ARHGAP24: variants seen among roughly 807,000 people sequenced by gnomAD.
ARHGAP24 encodes the protein Rho GTPase activating protein 24, also known as rho GTPase-activating protein 24.
In ARHGAP24, 50 loss-of-function variants were observed where a neutral mutation model predicts 76.4. That is an observed-to-expected ratio of 0.65 (90% CI 0.52 to 0.83). The LOEUF (loss-of-function observed/expected upper bound fraction) is 0.83. Among genes scored for constraint, ARHGAP24 ranks in the 40% least tolerant of loss-of-function variants. ARHGAP24 has a pLI of 0.00. For synonymous variants in ARHGAP24, 345 were observed against 323.3 expected, an observed-to-expected ratio of 1.07 and a Z score of -0.72; for missense variants, 930 against 914.2, an observed-to-expected ratio of 1.02 and a Z score of -0.22.
intron 9 of ARHGAP24, among the ~76,000 whole-genome samples, chr4:85,997,282 ATAGGTAGGTAGG>A (rs745600115): frequency 2.6e-5 from 4 of 151,630 alleles, no homozygotes; most frequent in Non-Finnish European, 5.9e-5. Flanking sequence ...AGGTAGGTAA[ATAGGTAGGTAGG>A]TAGGTAGGTA....
At position 85,755,626 on chromosome 4, in the gene ARHGAP24, G is replaced by GTTTTTTTTTTTTTTTTTTTTTTTTTT. The variant is rs111410344; in HGVS notation, c.268+33658_268+33659insTTTTTTTTTTTTTTTTTTTTTTTTTT. ...TTCTATGGGAAGCTTCTATTCTTTT[G>GTTTTTTTTTTTTTTTTTTTTTTTTTT]TTTTGTTTTGTTTTGTTTTGTTTTG... is the stretch of plus-strand genomic sequence containing the variant. On this transcript the variant is annotated intron_variant, in intron 3 of 9. Transcript: ENST00000395184. Among the ~76,000 whole-genome samples, 11 of 117,372 alleles carry GTTTTTTTTTTTTTTTTTTTTTTTTTT rather than the reference G, an allele frequency of 9.4e-5. 4 individuals carry two copies. Among genetic ancestry groups the GTTTTTTTTTTTTTTTTTTTTTTTTTT allele is most frequent in the African/African-American group, 1.2e-4 (4 of 34,442 alleles). 77.0% of individuals were successfully genotyped at this position (117,372 alleles called of 152,430 possible).
At chr4:85,859,629 A>C (rs953780159) in intron 3 of ARHGAP24, among the ~76,000 whole-genome samples, 10 of 152,126 alleles carry the variant, frequency 6.6e-5, no homozygotes, top group Non-Finnish European at 1.5e-5. Flanking sequence ...AGCCCATGCT[A>C]ATAGCTACTG....
At chr4:85,992,761 A>G (rs1740410790) in intron 8 of ARHGAP24, among the ~76,000 whole-genome samples, 1 of 152,054 alleles carries the variant, frequency 6.6e-6, no homozygotes, top group Non-Finnish European at 1.5e-5. Context: ...AAATTCGGAG[A>G]TTCCTAAAAG....
At chr4:85,596,921 C>G (rs1719857336) in intron 2 of ARHGAP24, among the ~76,000 whole-genome samples, 1 of 151,802 alleles carries the variant, frequency 6.6e-6, no homozygotes, top group African/African-American at 2.4e-5. Flanking sequence ...TATTTTAAGT[C>G]CAAATATATT....
chr4:85,832,815 C>T (rs944545175), intron 3 of ARHGAP24, among the ~76,000 whole-genome samples: 18 of 152,124 alleles, frequency 1.2e-4, no homozygotes, highest in African/African-American at 3.1e-4. Context: ...TGCACAGGGG[C>T]GATGCTATCA....
intron 5 of ARHGAP24, among the ~76,000 whole-genome samples, chr4:85,970,517 T>A (rs1000404420): frequency 1.3e-5 from 2 of 152,134 alleles, no homozygotes; most frequent in African/African-American, 4.8e-5. Context: ...CAGGGGTTTC[T>A]ATAATACCCA....
At chr4:85,807,114 A>G in intron 3 of ARHGAP24, among the ~76,000 whole-genome samples, 1 of 152,256 alleles carries the variant, frequency 6.6e-6, no homozygotes, top group Non-Finnish European at 1.5e-5. Flanking sequence ...TTAATTTTTT[A>G]AAACTATTAT....
At chr4:85,830,190 A>C (rs1160650307) in intron 3 of ARHGAP24, among the ~76,000 whole-genome samples, 2 of 152,196 alleles carry the variant, frequency 1.3e-5, no homozygotes, top group Non-Finnish European at 2.9e-5. Context: ...AAACTCACTA[A>C]GTTCTTCATT....
intron 2 of ARHGAP24, among the ~76,000 whole-genome samples, chr4:85,694,307 G>A (rs1474832628): frequency 2.0e-5 from 3 of 151,944 alleles, no homozygotes. Flanking sequence ...GTTAAGGCAG[G>A]AGAAACTTGT....
intron 3 of ARHGAP24, among the ~76,000 whole-genome samples, chr4:85,889,134 T>G (rs6817562): frequency 0.81 from 122,736 of 152,140 alleles, 50,356 homozygotes; most frequent in Non-Finnish European, 0.9. Context: ...TTATTGGGTA[T>G]TTGTTTCAAG....
intron 2 of ARHGAP24, among the ~76,000 whole-genome samples, chr4:85,679,290 A>AG (rs1246590179): frequency 6.6e-6 from 1 of 152,196 alleles, no homozygotes; most frequent in Non-Finnish European, 1.5e-5. Context: ...GGGGGGCTTC[A>AG]GAGAAAGCTT....
intron 1 of ARHGAP24, among the ~76,000 whole-genome samples, chr4:85,550,658 A>G (rs1326200428): frequency 6.6e-6 from 1 of 152,164 alleles, no homozygotes; most frequent in African/African-American, 2.4e-5. Flanking sequence ...TGTTATACCA[A>G]TATTGATTCT....
Position 86,000,567 on chromosome 4 carries a change from G to GAAAT in ARHGAP24, c.2096_2099dup (p.Lys700AsnfsTer18). Reference sequence around the variant, plus strand: ...GGAGAGGAAAAAGTTCACAATGATAGAAATAAAAATGCGAAATGCCGAGCG... The same window carrying GAAAT: ...GGAGAGGAAAAAGTTCACAATGATAGAAATAAATAAAAATGCGAAATGCCGAGCG... On this transcript the variant is annotated frameshift_variant, in exon 10 of 10. Coordinates refer to ENST00000395184, the MANE Select transcript of ARHGAP24 (RefSeq NM_001025616.3). LOFTEE classifies it high-confidence loss of function. 6.2e-7 allele frequency: 1 copy of GAAAT among 1,610,950 alleles called. No homozygotes were observed.
intron 2 of ARHGAP24, among the ~76,000 whole-genome samples, chr4:85,580,545 A>G (rs1727565613): frequency 6.6e-6 from 1 of 152,088 alleles, no homozygotes; most frequent in South Asian, 2.1e-4. Flanking sequence ...TGCCATGACA[A>G]ATATGGTATT....
chr4:85,807,715 C>T lies in ARHGAP24; in HGVS notation c.268+85743C>T, dbSNP rs188725843. Reference sequence around the variant, plus strand: ...AAGACCACTAGGGTATTTGGGCCTACATCCAACCTTGGAGCCCAGAGGCGC... The same window carrying T: ...AAGACCACTAGGGTATTTGGGCCTATATCCAACCTTGGAGCCCAGAGGCGC... On this transcript the variant is annotated intron_variant, in intron 3 of 9. Transcript: ENST00000395184. Among the ~76,000 whole-genome samples the T allele has an allele frequency of 2.0e-5, 3 of 152,276 alleles. No homozygotes were observed. The East Asian group carries it at 5.8e-4, about 29-fold the overall frequency.
chr4:85,521,209 T>A (rs1466730558), intron 1 of ARHGAP24, among the ~76,000 whole-genome samples: 2 of 152,134 alleles, frequency 1.3e-5, no homozygotes, highest in African/African-American at 4.8e-5. Flanking sequence ...TAGCATGTTG[T>A]TTCACTGATA....
chr4:85,554,752 G>A (rs4306948), intron 1 of ARHGAP24, among the ~76,000 whole-genome samples: 125,156 of 151,794 alleles, frequency 0.82, 53,980 homozygotes, highest in East Asian at 0.98. Flanking sequence ...CCCACTGCAA[G>A]CTCCACCTCC....
chr4:85,760,668 TA>T (rs1726699349), intron 3 of ARHGAP24, among the ~76,000 whole-genome samples: 1 of 152,154 alleles, frequency 6.6e-6, no homozygotes, highest in African/African-American at 2.4e-5. Context: ...GTTTGGACCA[TA>T]ATTGCTATCA....
intron 3 of ARHGAP24, among the ~76,000 whole-genome samples, chr4:85,813,400 T>G (rs1729093465): frequency 6.6e-6 from 1 of 152,122 alleles, no homozygotes. Context: ...TGTAGTAAAA[T>G]AAAATAATAA....
Sources: gnomAD v4.1 joint callset for allele counts (sites outside exome capture counted in the v4.1 genomes callset) on GRCh38, gnomAD v4.1.1 for gene constraint, MANE v1.5 for transcripts, NCBI Gene and HGNC (gene_info 2026-07-23, HGNC 2026-07-21) for gene names.